The following PUDP variants were observed in gnomAD, a reference collection of about 807,000 sequenced individuals.
The protein encoded by PUDP is pseudouridine-5'-phosphatase.
Under a neutral mutation model 9.4 loss-of-function variants are expected in PUDP, and 8 were observed. The ratio of observed to expected loss-of-function variants is 0.85; its 90% CI spans 0.50 to 1.53. The LOEUF (loss-of-function observed/expected upper bound fraction) is 1.53, where lower values mean the gene tolerates loss of function less well. PUDP is among the 40% of genes most tolerant of loss of function. PUDP has a pLI of 0.00. For missense variants in PUDP, 188 were observed against 189.7 expected (o/e 0.99, Z 0.05); for synonymous variants, 99 against 80.7 (o/e 1.23, Z -1.22).
intron 3 of PUDP, among the ~76,000 whole-genome samples, chrX:6,763,643 C>T (rs1044840489): frequency 8.1e-5 from 9 of 111,358 alleles, no homozygotes; most frequent in South Asian, 3.8e-4. Context: ...CTTGGTTAAA[C>T]GCTTCCCTAT....
chrX:6,784,597 C>G lies in PUDP; in HGVS notation c.*248-78131G>C, dbSNP rs1219258792. On this transcript the variant is annotated intron_variant and NMD_transcript_variant, in intron 3 of 3. Transcript: ENST00000655425. ...ATCTTCGTTGTCCTATAAATTCTGT[C>G]TCACTCAGCATCTGAGGGGTATAGC... 4.5e-5 allele frequency among the ~76,000 whole-genome samples: 5 copies of G among 111,917 alleles called. No homozygotes were observed. In the Admixed American group the frequency reaches 4.8e-4, roughly 11 times the overall value.
chrX:6,957,985 G>A (rs1351342011), intron 3 of PUDP, among the ~76,000 whole-genome samples: 2 of 111,995 alleles, frequency 1.8e-5, no homozygotes, highest in Non-Finnish European at 3.8e-5. Context: ...GTTCCCCAGT[G>A]CCATAAGGAA....
intron 1 of PUDP, among the ~76,000 whole-genome samples, chrX:7,001,987 C>T (rs1199727793): frequency 9.0e-6 from 1 of 111,395 alleles, no homozygotes; most frequent in Non-Finnish European, 1.9e-5. Context: ...CAACAAACTT[C>T]AGTTTGTCAA....
chrX:6,875,037 T>C lies in PUDP; in HGVS notation c.*247+102096A>G, dbSNP rs773891007. Among the ~76,000 whole-genome samples, 8 of 112,014 alleles carry C rather than the reference T, an allele frequency of 7.1e-5. No homozygotes were observed. In the East Asian group the frequency reaches 1.1e-3, roughly 16 times the overall value. Reference sequence around the variant, plus strand: ...AGTGCTTGTGCCCTGCAAAATCAAATGTTTTTTAAAATTTTATTTATCTTT... The same window carrying C: ...AGTGCTTGTGCCCTGCAAAATCAAACGTTTTTTAAAATTTTATTTATCTTT... On this transcript the variant is annotated intron_variant and NMD_transcript_variant, in intron 3 of 3. Coordinates refer to the PUDP transcript ENST00000655425.
chrX:6,764,234 G>A (rs763413480), intron 3 of PUDP, among the ~76,000 whole-genome samples: 1 of 111,811 alleles, frequency 8.9e-6, no homozygotes, highest in Admixed American at 9.5e-5. Context: ...TTGCAAAGCA[G>A]GAGGCAAAGC....
rs181090551 is a variant in PUDP at position 7,116,845 on chromosome X, G to A, written c.62-11007C>T. ...TCGCTTGGGCCATCCTCCACTTGGT[G>A]ATCAGTGAGCTCTTGCTCTGAGTTC... On this transcript the variant is annotated intron_variant, in intron 1 of 3. Coordinates refer to ENST00000381077, the MANE Select transcript of PUDP (RefSeq NM_012080.5). 12 of 1,053,869 alleles carry A rather than the reference G, an allele frequency of 1.1e-5. No individual in the cohort carries two copies. In the South Asian group the frequency reaches 1.2e-4, roughly 10 times the overall value. The allele number at this position is 1,053,869 out of a possible 1,213,427, so 86.9% of individuals were successfully genotyped here.
chrX:7,037,229 G>C (rs1929865316), intron 1 of PUDP, among the ~76,000 whole-genome samples: 1 of 111,662 alleles, frequency 9.0e-6, no homozygotes, highest in Admixed American at 9.5e-5. Context: ...TGGCCTGTGG[G>C]TTATCTGGTC....
chrX:6,738,972 GAGAT>G (rs1924905387), intron 3 of PUDP, among the ~76,000 whole-genome samples: 1 of 111,839 alleles, frequency 8.9e-6, no homozygotes, highest in African/African-American at 3.3e-5. Flanking sequence ...GAGGAAGAGA[GAGAT>G]AGAGTACAAA....
At chrX:6,972,265 A>T (rs1313032657) in intron 3 of PUDP, among the ~76,000 whole-genome samples, 1 of 111,846 alleles carries the variant, frequency 8.9e-6, no homozygotes, top group Non-Finnish European at 1.9e-5. Flanking sequence ...GTGGTGAGAG[A>T]GGGCATCCTT....
At chrX:6,912,960 A>C (rs1927870833) in intron 3 of PUDP, among the ~76,000 whole-genome samples, 1 of 112,147 alleles carries the variant, frequency 8.9e-6, no homozygotes, top group Non-Finnish European at 1.9e-5. Flanking sequence ...GAATATCATA[A>C]ACACTTTTCC....
chrX:7,053,778 A>C (rs904455312), intron 3 of PUDP, among the ~76,000 whole-genome samples: 1 of 111,552 alleles, frequency 9.0e-6, no homozygotes. Context: ...CACCTGAGAA[A>C]TCTTTTCAAA....
At chrX:7,043,677 G>C (rs1338146469) in intron 1 of PUDP, among the ~76,000 whole-genome samples, 1 of 111,637 alleles carries the variant, frequency 9.0e-6, no homozygotes, top group Non-Finnish European at 1.9e-5. Flanking sequence ...GTCCAAGGCT[G>C]ATTTTTGTCA....
chrX:6,830,207 C>T (rs1223151418), intron 3 of PUDP, among the ~76,000 whole-genome samples: 2 of 110,439 alleles, frequency 1.8e-5, no homozygotes, highest in African/African-American at 6.6e-5. Context: ...GAAAAAGCAA[C>T]ACGGATCTAG....
chrX:7,034,865 A>G (rs1395450011), intron 1 of PUDP, among the ~76,000 whole-genome samples: 1 of 65,839 alleles, frequency 1.5e-5, no homozygotes, highest in Non-Finnish European at 2.9e-5. Context: ...GAAACATCCA[A>G]CTGAGTTTTT....
intron 3 of PUDP, among the ~76,000 whole-genome samples, chrX:6,968,850 C>T (rs763156903): frequency 5.4e-5 from 6 of 111,609 alleles, no homozygotes; most frequent in Non-Finnish European, 1.1e-4. Flanking sequence ...AAACTCCTGG[C>T]CTCAAATGAT....
chrX:6,893,201 A>G (rs903830046), intron 3 of PUDP, among the ~76,000 whole-genome samples: 2 of 112,206 alleles, frequency 1.8e-5, no homozygotes, highest in African/African-American at 6.5e-5. Flanking sequence ...CTGAGGAGAC[A>G]CAAAATGTGA....
At chrX:7,055,773 T>C (rs1034276338) in intron 3 of PUDP, among the ~76,000 whole-genome samples, 1 of 100,488 alleles carries the variant, frequency 1.0e-5, no homozygotes, top group African/African-American at 3.4e-5. Flanking sequence ...TCACAGGACT[T>C]AAGCATCAAA....
At chrX:7,144,958 T>C (rs1235167850) in intron 1 of PUDP, among the ~76,000 whole-genome samples, 1 of 111,096 alleles carries the variant, frequency 9.0e-6, no homozygotes, top group African/African-American at 3.3e-5. Flanking sequence ...ACACCCACCC[T>C]CTGCCTGACC....
At chrX:6,902,542 G>A (rs1005902225) in intron 3 of PUDP, among the ~76,000 whole-genome samples, 6 of 112,406 alleles carry the variant, frequency 5.3e-5, no homozygotes, top group African/African-American at 1.6e-4. Context: ...AGGGGAAGAG[G>A]TAGAGGCTCC....
Sources: allele counts gnomAD v4.1 joint callset (sites outside exome capture counted in the v4.1 genomes callset), GRCh38; gene constraint gnomAD v4.1.1; transcripts MANE v1.5; gene names NCBI Gene and HGNC (gene_info 2026-07-23, HGNC 2026-07-21).